The following GBP3 variants were observed in gnomAD, a reference collection of about 807,000 sequenced individuals.
GBP3 encodes the protein guanylate-binding protein 3.
A neutral mutation model predicts 62.4 loss-of-function variants in GBP3; 55 were observed. The observed-to-expected ratio is 0.88, with a 90% CI of 0.71 to 1.10. The LOEUF is 1.10. GBP3 is among the 50% of genes least tolerant of loss of function. The probability of loss-of-function intolerance (pLI) is 0.00; values close to 1 mark genes in which losing one functional copy is unlikely to be tolerated. For synonymous variants in GBP3, 208 were observed against 259.2 expected (o/e 0.80, Z 1.90); for missense variants, 605 against 690.6 (o/e 0.88, Z 1.39).
chr1:89,020,683 G>A lies in GBP3; in HGVS notation c.39C>T (p.Leu13=), dbSNP rs2101167660. The A allele has an allele frequency of 1.9e-6, 3 of 1,614,170 alleles. No homozygotes were observed. The East Asian group carries it at 6.7e-5, about 36-fold the overall frequency. ...PEIHMTGPMC[L]IENTNGELVA... is the part of the protein sequence containing the mutation. Reference sequence around the variant, plus strand: ...CCAGTTCCCCATTAGTGTTCTCAATGAGGCACATTGGGCCTGTCATGTGGA... The same window carrying A: ...CCAGTTCCCCATTAGTGTTCTCAATAAGGCACATTGGGCCTGTCATGTGGA... The change falls in exon 2 of 11, where the codon CTC becomes CTT. Residue 13 remains leucine (L), a synonymous_variant. Transcript: ENST00000370481.
At position 89,015,282 on chromosome 1, in the gene GBP3, C is replaced by A. The variant is rs1219574717; in HGVS notation, c.318+5G>T. On this transcript the variant is annotated splice_donor_5th_base_variant and intron_variant, in intron 3 of 10. Coordinates refer to ENST00000370481, the MANE Select transcript of GBP3 (RefSeq NM_018284.3). ...TTATTTCAAAATTGAATCTTTGACC[C>A]TTACCTTCTTTACATCTCCCAGGCC... 4 of 1,597,982 alleles carry A rather than the reference C, an allele frequency of 2.5e-6. No homozygotes were observed. The African/African-American group carries it at 4.1e-5, about 16-fold the overall frequency.
chr1:89,007,310 C>CT lies in GBP3; in HGVS notation c.*413dup, dbSNP rs768544144. ...AGAAATCACATTATTGCTCATAGAC[C>CT]TTGTAGCCTTGATATAATGGAGAAC... is the stretch of plus-strand genomic sequence containing the variant. On this transcript the variant is annotated 3_prime_UTR_variant, in exon 11 of 11. Coordinates refer to ENST00000370481, the MANE Select transcript of GBP3 (RefSeq NM_018284.3). The CT allele has an allele frequency of 3.2e-5, 5 of 156,226 alleles. No individual in the cohort carries two copies. The highest frequency in any genetic ancestry group is 6.4e-5 in the Admixed American group (1 of 15,748). 9.7% of individuals were successfully genotyped at this position (156,226 alleles called of 1,614,324 possible). A position where few individuals can be genotyped will look rare whatever the true frequency, so the allele number is the denominator to read the frequency against.
At chr1:89,021,202 T>C (rs186726143) in intron 1 of GBP3, among the ~76,000 whole-genome samples, 4 of 152,356 alleles carry the variant, frequency 2.6e-5, no homozygotes, top group East Asian at 3.9e-4. Flanking sequence ...TTTATAAATG[T>C]GTTCCTTCCT....
chr1:89,014,183 A>G lies in GBP3; in HGVS notation c.525T>C (p.Asp175=), dbSNP rs144891343. Residue 175 remains aspartate, a synonymous_variant, in exon 5 of 11, where the codon GAT becomes GAC. Transcript: ENST00000370481. ...DSADFVSFFP[D]FVWTLRDFSL... The stretch of plus-strand genomic sequence containing the variant: ...AGAAATCTCTCAGTGTCCACACAAA[A>G]TCTGGGAAGAAGCTCACAAAGTCAG... 3.5e-5 allele frequency: 57 copies of G among 1,614,204 alleles called. 2 individuals carry two copies. The highest frequency in any genetic ancestry group is 9.3e-5 in the African/African-American group (7 of 75,062).
chr1:89,018,895 G>A lies in GBP3; in HGVS notation c.190+1637C>T, dbSNP rs142870608. ...TGTATCTATTATTTCTCGACCTGCC[G>A]GTCTGCCTGGGAACAAAGAGAGAGC... On this transcript the variant is annotated intron_variant, in intron 2 of 10. Coordinates refer to ENST00000370481, the MANE Select transcript of GBP3 (RefSeq NM_018284.3). Among the ~76,000 whole-genome samples the A allele has an allele frequency of 1.7e-3, 260 of 152,278 alleles. 1 individual carries two copies. The highest frequency in any genetic ancestry group is 5.9e-3 in the African/African-American group (247 of 41,556).
In GBP3 at chr1:89,013,313, T is replaced by C; in HGVS notation, c.740A>G (p.Gln247Arg). The C allele has an allele frequency of 6.2e-7, 1 of 1,614,238 alleles. No individual in the cohort carries two copies. The highest frequency in any genetic ancestry group is 1.1e-5 in the South Asian group (1 of 91,082). The change falls in exon 6 of 11, where the codon CAG becomes CGG. Residue 247 changes from glutamine to arginine, a missense_variant. This residue lies in a region of GBP3 where 308 missense variants were observed against 318.0 expected (regional missense o/e 0.97). Coordinates refer to ENST00000370481, the MANE Select transcript of GBP3 (RefSeq NM_018284.3). ...CTCTTCATCTTGTAGTTTCTCAAGCTGGGCAAGCTTCCTGCGGTGAATGGG... is the reference window on the plus strand; with the variant it reads ...CTCTTCATCTTGTAGTTTCTCAAGCCGGGCAAGCTTCCTGCGGTGAATGGG... ...DLPIHRRKLA[Q>R]LEKLQDEELD... is the part of the protein sequence containing the mutation.
Position 89,011,673 on chromosome 1 carries a change from A to C in GBP3, c.1149+74T>G, listed in dbSNP as rs993468046. On this transcript the variant is annotated intron_variant, in intron 7 of 10. Coordinates refer to ENST00000370481, the MANE Select transcript of GBP3 (RefSeq NM_018284.3). Reference sequence around the variant, plus strand: ...TAGAATAATTATTTGTCTCAAAATAAATACCAATTTCATTTCTTAGTAGTA... The same window carrying C: ...TAGAATAATTATTTGTCTCAAAATACATACCAATTTCATTTCTTAGTAGTA... 1.2e-5 allele frequency: 16 copies of C among 1,391,182 alleles called. 1 individual carries two copies. In the African/African-American group the frequency reaches 1.8e-4, roughly 16 times the overall value. The allele number at this position is 1,391,182 out of a possible 1,614,324, so 86.2% of individuals were successfully genotyped here. A position where few individuals can be genotyped will look rare whatever the true frequency, so the allele number is the denominator to read the frequency against.
chr1:89,008,757 C>A, intron 10 of GBP3, 190 bp downstream of exon 10: 4 of 1,082,038 alleles, frequency 3.7e-6, no homozygotes, highest in Non-Finnish European at 3.9e-6. Flanking sequence ...TGACACCCTG[C>A]AAATAAACTT....
rs1678267383 is a variant in GBP3, at chr1:89,007,252, TC to T, written c.*471del. 6.6e-6 allele frequency: 1 copy of T among 152,588 alleles called. No individual in the cohort carries two copies. Among genetic ancestry groups the T allele is most frequent in the South Asian group, 2.1e-4 (1 of 4,842 alleles). 9.5% of individuals were successfully genotyped at this position (152,588 alleles called of 1,614,324 possible). On this transcript the variant is annotated 3_prime_UTR_variant, in exon 11 of 11. Coordinates refer to ENST00000370481, the MANE Select transcript of GBP3 (RefSeq NM_018284.3). ...TAAGATGGTTTGCTTTAGCTTGAGATCCATCAGTGAGAATTATCCATGGGCA... is the reference window on the plus strand; with the variant it reads ...TAAGATGGTTTGCTTTAGCTTGAGATCATCAGTGAGAATTATCCATGGGCA...
In GBP3 at chr1:89,012,438, G is replaced by A. The variant is rs1319458306; in HGVS notation, c.869-411C>T. Among the ~76,000 whole-genome samples the A allele has an allele frequency of 1.4e-5, 2 of 138,878 alleles. 1 individual carries two copies. Among genetic ancestry groups the A allele is most frequent in the Non-Finnish European group, 3.3e-5 (2 of 60,278 alleles). The allele number at this position is 138,878 out of a possible 152,430, so 91.1% of individuals were successfully genotyped here. On this transcript the variant is annotated intron_variant, in intron 6 of 10. Coordinates refer to ENST00000370481, the MANE Select transcript of GBP3 (RefSeq NM_018284.3). ...AATGATACTCTCCTAATCAAAAGGA[G>A]CCCTCCGTTTGGTTTATTTTAGCAC...
Position 89,010,710 on chromosome 1 carries a change from G to T in GBP3, c.1362+194C>A, listed in dbSNP as rs557884579. On this transcript the variant is annotated intron_variant, in intron 8 of 10. Transcript: ENST00000370481. The stretch of plus-strand genomic sequence containing the variant: ...ACAGGCTTGAGCCACCGCACCCGCC[G>T]ACTGCACTCTCTTTGATGAGCACCT... Among the ~76,000 whole-genome samples the T allele has an allele frequency of 2.2e-4, 30 of 139,094 alleles. 2 individuals carry two copies. Among genetic ancestry groups the T allele is most frequent in the African/African-American group, 7.1e-4 (29 of 40,632 alleles). 91.3% of individuals were successfully genotyped at this position (139,094 alleles called of 152,430 possible). A position where few individuals can be genotyped will look rare whatever the true frequency, so the allele number is the denominator to read the frequency against.
In GBP3 at chr1:89,011,766, A is replaced by G. The variant is rs138493822; in HGVS notation, c.1130T>C (p.Leu377Pro). Reference protein sequence around the residue: ...MKNSFKDVDHLFQKKLAAQLD... With the variant: ...MKNSFKDVDHPFQKKLAAQLD... ...AATTACCGCTAATTTCTTTTGAAAC[A>G]GATGGTCCACATCCTTGAAAGAGTT... The change falls in exon 7 of 11, where the codon CTG (leucine) becomes CCG (proline). Residue 377 changes from leucine (L) to proline (P), a missense_variant. Physicochemically the swap from Leu to Pro is moderately conservative, Grantham distance 98 (BLOSUM62 -3). Coordinates refer to ENST00000370481, the MANE Select transcript of GBP3 (RefSeq NM_018284.3). 4.8e-6 allele frequency: 7 copies of G among 1,462,484 alleles called. No homozygotes were observed. In the African/African-American group the frequency reaches 8.1e-5, roughly 17 times the overall value. 90.6% of individuals were successfully genotyped at this position (1,462,484 alleles called of 1,614,324 possible). A position where few individuals can be genotyped will look rare whatever the true frequency, so the allele number is the denominator to read the frequency against.
chr1:89,008,741 T>C (rs1570883885), intron 10 of GBP3: 1 of 905,452 alleles, frequency 1.1e-6, no homozygotes, highest in Middle Eastern at 2.2e-4. Flanking sequence ...AAAACGGGAC[T>C]GAATGTGACA....
chr1:89,020,786 T>C (rs1365022461), intron 1 of GBP3, 43 bp from the exon 2 acceptor site: 2 of 1,554,104 alleles, frequency 1.3e-6, no homozygotes, highest in African/African-American at 2.7e-5. Context: ...TCCAGTCTTT[T>C]GCATTTAGAG....
chr1:89,009,141 C>G lies in GBP3; in HGVS notation c.1466-1G>C. 1 of 1,613,244 alleles carries G rather than the reference C, an allele frequency of 6.2e-7. No homozygotes were observed. The highest frequency in any genetic ancestry group is 2.2e-5 in the East Asian group (1 of 44,872). ...GCAGATTCAGCTTTTACACATTCCA[C>G]TGTGGAGGAAGAAGAAACATTTGTG... On this transcript the variant is annotated splice_acceptor_variant, in intron 9 of 10. Transcript: ENST00000370481. LOFTEE classifies it high-confidence loss of function.
At chr1:89,021,546 C>CACACACACACACA (rs1557734773) in intron 1 of GBP3, among the ~76,000 whole-genome samples, 2 of 85,930 alleles carry the variant, frequency 2.3e-5, no homozygotes, top group African/African-American at 7.7e-5. Context: ...ACACACACAC[C>CACACACACACACA]CCAAAAAAAC....
chr1:89,014,060 T>G (rs771183787), intron 5 of GBP3, 23 bp downstream of exon 5: 8 of 1,608,586 alleles, frequency 5.0e-6, no homozygotes, highest in Middle Eastern at 3.3e-4. Context: ...CGTCCTCATT[T>G]ATCAATGGTA....
rs1678597258 is a variant in GBP3, at chr1:89,011,981, C to G, written c.915G>C (p.Gly305=). The change falls in exon 7 of 11, where the codon GGG becomes GGC. Residue 305 remains glycine (G), a synonymous_variant. Transcript: ENST00000370481. ...CTGCGTTCTCCATGCAGGGCAGATC[C>G]CCTCTGCTGATAGCATTGATATAGG... ...VLTYINAISR[G]DLPCMENAVL... 1 of 1,462,304 alleles carries G rather than the reference C, an allele frequency of 6.8e-7. No individual in the cohort carries two copies. Among genetic ancestry groups the G allele is most frequent in the Non-Finnish European group, 9.5e-7 (1 of 1,055,258 alleles). The allele number at this position is 1,462,304 out of a possible 1,614,324, so 90.6% of individuals were successfully genotyped here. A position where few individuals can be genotyped will look rare whatever the true frequency, so the allele number is the denominator to read the frequency against.
intron 5 of GBP3, 176 bp downstream of exon 5, chr1:89,013,906 CT>C (rs1265029641): frequency 9.9e-6 from 6 of 605,352 alleles, no homozygotes; most frequent in African/African-American, 9.2e-5. Flanking sequence ...GCATTCATTC[CT>C]TTTTTCCTTT....
Sources: gnomAD v4.1 joint callset for allele counts (sites outside exome capture counted in the v4.1 genomes callset) on GRCh38, gnomAD v4.1.1 for gene constraint, gnomAD v4.1.1 regional missense constraint, MANE v1.5 for transcripts, NCBI Gene and HGNC (gene_info 2026-07-23, HGNC 2026-07-21) for gene names.